ACTR3: variants seen among roughly 807,000 people sequenced by gnomAD.
The protein encoded by ACTR3 is actin related protein 3, also known as actin-related protein 3.
ACTR3 carries 12 observed loss-of-function variants against 56.8 expected under a neutral mutation model. The ratio of observed to expected loss-of-function variants is 0.21; its 90% CI spans 0.14 to 0.34. ACTR3 has a LOEUF of 0.34. Among genes scored for constraint, ACTR3 ranks in the 10% least tolerant of loss-of-function variants. The probability of loss-of-function intolerance (pLI) is 1.00; values close to 1 mark genes in which losing one functional copy is unlikely to be tolerated. For missense variants in ACTR3, 282 were observed against 512.5 expected (o/e 0.55, Z 4.34); for synonymous variants, 162 against 167.4 (o/e 0.97, Z 0.25).
At chr2:113,902,405 C>T (rs891125807) in intron 1 of ACTR3, among the ~76,000 whole-genome samples, 1 of 149,724 alleles carries the variant, frequency 6.7e-6, no homozygotes, top group Non-Finnish European at 1.5e-5. Flanking sequence ...ATATTTTATA[C>T]AAGCAAATTG....
intron 7 of ACTR3, 174 bp downstream of exon 7, chr2:113,940,276 T>C: frequency 2.1e-6 from 1 of 473,120 alleles, no homozygotes; most frequent in Non-Finnish European, 3.5e-6. Flanking sequence ...AGAAAATTAT[T>C]ACAGCAGTTT....
At chr2:113,932,925 T>C (rs891648157) in intron 5 of ACTR3, among the ~76,000 whole-genome samples, 6 of 152,204 alleles carry the variant, frequency 3.9e-5, no homozygotes, top group African/African-American at 1.4e-4. Context: ...TTTTAGCTAT[T>C]ACAGTCCAGG....
At chr2:113,914,095 G>A (rs1309788747) in intron 2 of ACTR3, among the ~76,000 whole-genome samples, 2 of 113,050 alleles carry the variant, frequency 1.8e-5, no homozygotes, top group East Asian at 5.1e-4. Flanking sequence ...TGAATTTTTT[G>A]TATTTCATTG....
rs1366520917 is a variant in ACTR3, at chr2:113,960,260, A to G, written c.*2805A>G. 6.6e-6 allele frequency: 1 copy of G among 152,022 alleles called. No homozygotes were observed. Among genetic ancestry groups the G allele is most frequent in the African/African-American group, 2.4e-5 (1 of 41,446 alleles). The allele number at this position is 152,022 out of a possible 1,614,324, so 9.4% of individuals were successfully genotyped here. On this transcript the variant is annotated 3_prime_UTR_variant, in exon 12 of 12. Transcript: ENST00000263238. ...CATCTTCACCCTTAGACATTAATTCATGGCACCTACTATAAGTACTCATCC... is the reference window on the plus strand; with the variant it reads ...CATCTTCACCCTTAGACATTAATTCGTGGCACCTACTATAAGTACTCATCC...
chr2:113,922,866 T>A (rs1168939799), intron 3 of ACTR3, among the ~76,000 whole-genome samples: 1 of 152,150 alleles, frequency 6.6e-6, no homozygotes, highest in African/African-American at 2.4e-5. Context: ...AAGAGATCTC[T>A]TGAGGTGGTT....
intron 1 of ACTR3, among the ~76,000 whole-genome samples, chr2:113,905,939 G>A (rs1679183867): frequency 6.6e-6 from 1 of 152,198 alleles, no homozygotes; most frequent in Non-Finnish European, 1.5e-5. Context: ...AGCTATTGCA[G>A]ATATTGCTGC....
At chr2:113,923,007 T>C (rs1374113408) in intron 3 of ACTR3, among the ~76,000 whole-genome samples, 6 of 152,186 alleles carry the variant, frequency 3.9e-5, no homozygotes. Flanking sequence ...CCACTGAAAG[T>C]GATGAAGTCA....
Position 113,916,988 on chromosome 2 carries a change from A to C in ACTR3, c.205A>C (p.Lys69Gln). ...DFFIGDEAIE[K>Q]PTYATKWPIR... ...CTTCATTGGTGATGAAGCAATAGAA[A>C]AACCTACATATGCAACAAAGGTATG... Residue 69 changes from lysine (K) to glutamine (Q), a missense_variant, in exon 3 of 12, where the codon AAA (lysine) becomes CAA (glutamine). Transcript: ENST00000263238. The C allele has an allele frequency of 5.0e-6, 8 of 1,605,314 alleles. No homozygotes were observed. The highest frequency in any genetic ancestry group is 6.8e-6 in the Non-Finnish European group (8 of 1,176,210).
chr2:113,952,359 AAATT>A (rs549186194), intron 10 of ACTR3: 2 of 152,232 alleles, frequency 1.3e-5, no homozygotes, highest in Non-Finnish European at 2.9e-5. Context: ...AAAAAAATCA[AAATT>A]AATTTAAAAT....
intron 1 of ACTR3, among the ~76,000 whole-genome samples, chr2:113,912,225 A>T (rs964996354): frequency 1.4e-4 from 21 of 151,950 alleles, no homozygotes; most frequent in African/African-American, 4.6e-4. Flanking sequence ...GATTCTTCAG[A>T]TATTAGAGTC....
intron 6 of ACTR3, among the ~76,000 whole-genome samples, chr2:113,938,197 GTCTTTTTAT>G (rs1260552430): frequency 1.3e-5 from 2 of 151,700 alleles, no homozygotes; most frequent in Non-Finnish European, 2.9e-5. Context: ...TTCCATTTGG[GTCTTTTTAT>G]ATCTTCCATT....
At chr2:113,907,155 A>G (rs1408483948) in intron 1 of ACTR3, among the ~76,000 whole-genome samples, 1 of 152,234 alleles carries the variant, frequency 6.6e-6, no homozygotes, top group Non-Finnish European at 1.5e-5. Flanking sequence ...GCTTATTAGG[A>G]GGGAATGAGA....
intron 10 of ACTR3, chr2:113,954,472 T>C (rs1680174133): frequency 6.6e-6 from 1 of 152,160 alleles, no homozygotes; most frequent in Admixed American, 6.6e-5. Flanking sequence ...TTTATTCTTT[T>C]AGTAATATCT....
chr2:113,914,384 G>A (rs553821530), intron 2 of ACTR3, among the ~76,000 whole-genome samples: 91 of 152,134 alleles, frequency 6.0e-4, no homozygotes, highest in Non-Finnish European at 9.3e-4. Flanking sequence ...AGGCCGAGGC[G>A]GGCAGATCAC....
chr2:113,894,311 T>A (rs1190675980), intron 1 of ACTR3, among the ~76,000 whole-genome samples: 1 of 152,196 alleles, frequency 6.6e-6, no homozygotes, highest in Non-Finnish European at 1.5e-5. Context: ...CAGGCTGTTG[T>A]TGAACTCCTG....
chr2:113,922,251 A>G (rs943252809), intron 3 of ACTR3, among the ~76,000 whole-genome samples: 2 of 152,236 alleles, frequency 1.3e-5, no homozygotes, highest in African/African-American at 4.8e-5. Flanking sequence ...CTGAATGCTA[A>G]TATGAAAGAA....
At chr2:113,894,433 T>C (rs865774635) in intron 1 of ACTR3, among the ~76,000 whole-genome samples, 1 of 152,228 alleles carries the variant, frequency 6.6e-6, no homozygotes, top group Non-Finnish European at 1.5e-5. Flanking sequence ...GGCAGAAATA[T>C]TCACAATAGC....
chr2:113,956,000 C>T (rs1354304253), intron 11 of ACTR3, among the ~76,000 whole-genome samples: 1 of 152,062 alleles, frequency 6.6e-6, no homozygotes, highest in African/African-American at 2.4e-5. Context: ...CCACCTTGGC[C>T]TCCCAAAGCA....
intron 1 of ACTR3, among the ~76,000 whole-genome samples, chr2:113,899,728 T>G (rs1679065843): frequency 6.6e-6 from 1 of 152,230 alleles, no homozygotes; most frequent in Admixed American, 6.5e-5. Flanking sequence ...AGGGATTATT[T>G]CTTTTTTGTG....
Sources: gnomAD v4.1 joint callset for allele counts (sites outside exome capture counted in the v4.1 genomes callset) on GRCh38, gnomAD v4.1.1 for gene constraint, MANE v1.5 for transcripts, NCBI Gene and HGNC (gene_info 2026-07-23, HGNC 2026-07-21) for gene names.